The following GLIS1 variants were observed in gnomAD, a reference collection of about 807,000 sequenced individuals.
The protein encoded by GLIS1 is GLIS family zinc finger 1.
In GLIS1, 24 loss-of-function variants were observed where a neutral mutation model predicts 63.8. The ratio of observed to expected loss-of-function variants is 0.38; its 90% CI spans 0.27 to 0.53. GLIS1 has a LOEUF of 0.53. Among genes scored for constraint, GLIS1 ranks in the 20% least tolerant of loss-of-function variants. GLIS1 has a pLI of 0.85. For missense variants in GLIS1, 1,036 were observed against 1,074.1 expected, an observed-to-expected ratio of 0.96 and a Z score of 0.50; for synonymous variants, 450 against 482.5, an observed-to-expected ratio of 0.93 and a Z score of 0.88.
intron 2 of GLIS1, among the ~76,000 whole-genome samples, chr1:53,690,791 C>T (rs1216889615): frequency 1.3e-5 from 2 of 152,110 alleles, no homozygotes; most frequent in African/African-American, 2.4e-5. Flanking sequence ...GTGATGATGT[C>T]GATGTGAGAA....
At chr1:53,660,256 C>T (rs76908489) in intron 2 of GLIS1, among the ~76,000 whole-genome samples, 7,538 of 152,260 alleles carry the variant, frequency 0.05, 241 homozygotes, top group Non-Finnish European at 0.073. Context: ...CATTTCACCC[C>T]CACCTCCACC....
In GLIS1 at chr1:53,529,939, C is replaced by T; in HGVS notation, c.1334G>A (p.Ser445Asn). ...KPNKCMFEGC[S>N]KAFSRLENLK... ...GTTCTCCAGCCGTGAGAAGGCCTTG[C>T]TGCAGCCTTCAAACTGCAGGAGAGG... The change falls in exon 5 of 11, where the codon AGC becomes AAC. Residue 445 changes from serine to asparagine, a missense_variant. Coordinates refer to ENST00000628545, the MANE Select transcript of GLIS1 (RefSeq NM_001367484.1). 1 of 1,613,500 alleles carries T rather than the reference C, an allele frequency of 6.2e-7. No individual in the cohort carries two copies. The highest frequency in any genetic ancestry group is 8.5e-7 in the Non-Finnish European group (1 of 1,179,830).
At chr1:53,612,194 A>G (rs1301676436) in intron 2 of GLIS1, among the ~76,000 whole-genome samples, 1 of 152,220 alleles carries the variant, frequency 6.6e-6, no homozygotes, top group Non-Finnish European at 1.5e-5. Context: ...TGTGCCATGC[A>G]TAAATCAGCA....
chr1:53,507,173 T>A lies in GLIS1; in HGVS notation c.2231-397A>T, dbSNP rs1644243332. Among the ~76,000 whole-genome samples, 3 of 152,164 alleles carry A rather than the reference T, an allele frequency of 2.0e-5. No homozygotes were observed. In the South Asian group the frequency reaches 6.2e-4, roughly 31 times the overall value. On this transcript the variant is annotated intron_variant, in intron 10 of 10. Transcript: ENST00000628545. ...ACCAGCTCACCCCCACCCTTTCAGT[T>A]GTATCCCCCAACCAGACTCAAGAAA...
chr1:53,544,780 T>C (rs1186575173), intron 4 of GLIS1, among the ~76,000 whole-genome samples: 1 of 152,170 alleles, frequency 6.6e-6, no homozygotes, highest in Non-Finnish European at 1.5e-5. Context: ...GCTCCAACAC[T>C]GGTTTCTTTG....
intron 4 of GLIS1, among the ~76,000 whole-genome samples, chr1:53,538,896 C>G (rs1644609977): frequency 6.6e-6 from 1 of 152,100 alleles, no homozygotes; most frequent in African/African-American, 2.4e-5. Flanking sequence ...GGCCGGCCAG[C>G]AAGGATCAAG....
chr1:53,649,662 G>A (rs1186988220), intron 2 of GLIS1, among the ~76,000 whole-genome samples: 1 of 152,134 alleles, frequency 6.6e-6, no homozygotes, highest in Non-Finnish European at 1.5e-5. Flanking sequence ...CTCCGGTTGT[G>A]GTTGTCATTT....
rs530379277 is a variant in GLIS1 at position 53,539,780 on chromosome 1, C to T, written c.1321-9828G>A. ...ACTGGCCACCTGGAACATGGATGTGCGTGTGGGGTTCACTGAGGGGCTGGG... is the reference window on the plus strand; with the variant it reads ...ACTGGCCACCTGGAACATGGATGTGTGTGTGGGGTTCACTGAGGGGCTGGG... On this transcript the variant is annotated intron_variant, in intron 4 of 10. Transcript: ENST00000628545. The surrounding 1 kb of genome is among the most constrained non-coding windows in gnomAD (Gnocchi z 5.0). 5.3e-4 allele frequency among the ~76,000 whole-genome samples: 81 copies of T among 152,250 alleles called. 1 individual carries two copies. Among genetic ancestry groups the T allele is most frequent in the African/African-American group, 1.9e-3 (78 of 41,532 alleles).
chr1:53,665,095 G>A (rs1205244655), intron 2 of GLIS1, among the ~76,000 whole-genome samples: 1 of 152,184 alleles, frequency 6.6e-6, no homozygotes, highest in African/African-American at 2.4e-5. Context: ...TAGCAGGGAG[G>A]CCAGACAGGA....
At chr1:53,562,677 C>T (rs1644904031) in intron 4 of GLIS1, among the ~76,000 whole-genome samples, 3 of 152,140 alleles carry the variant, frequency 2.0e-5, no homozygotes, top group Admixed American at 1.3e-4. Context: ...TTTCATCTTC[C>T]TCCTCCAACC....
intron 9 of GLIS1, 85 bp from the exon 10 acceptor site, chr1:53,509,372 C>T: frequency 7.5e-7 from 1 of 1,331,756 alleles, no homozygotes; most frequent in Non-Finnish European, 1.0e-6. Flanking sequence ...CACGCTCCAC[C>T]TCCCGTGTTG....
At chr1:53,655,745 C>G (rs1645958783) in intron 2 of GLIS1, among the ~76,000 whole-genome samples, 1 of 152,208 alleles carries the variant, frequency 6.6e-6, no homozygotes, top group African/African-American at 2.4e-5. Flanking sequence ...ACATGGGGGT[C>G]TGGCACACAG....
At chr1:53,709,341 CAT>C (rs1557534110) in intron 2 of GLIS1, among the ~76,000 whole-genome samples, 2 of 132,262 alleles carry the variant, frequency 1.5e-5, no homozygotes, top group African/African-American at 6.3e-5. Context: ...CATATATATA[CAT>C]ATATACATAT....
At chr1:53,551,172 G>A (rs1339376367) in intron 4 of GLIS1, among the ~76,000 whole-genome samples, 1 of 152,180 alleles carries the variant, frequency 6.6e-6, no homozygotes, top group Non-Finnish European at 1.5e-5. Context: ...GATCCCCCGT[G>A]TTGAGCCCTC....
At chr1:53,630,338 C>G (rs1253535479) in intron 2 of GLIS1, among the ~76,000 whole-genome samples, 1 of 152,086 alleles carries the variant, frequency 6.6e-6, no homozygotes, top group Non-Finnish European at 1.5e-5. Flanking sequence ...CTGTCTGTCT[C>G]TCCAAATGCT....
chr1:53,577,138 CT>C (rs1168280431), intron 4 of GLIS1, among the ~76,000 whole-genome samples: 42 of 149,572 alleles, frequency 2.8e-4, no homozygotes, highest in African/African-American at 1.0e-3. Flanking sequence ...CCTCCCCCCC[CT>C]CCATGCTTCT....
At chr1:53,658,246 C>T (rs1246992629) in intron 2 of GLIS1, among the ~76,000 whole-genome samples, 2 of 152,162 alleles carry the variant, frequency 1.3e-5, no homozygotes, top group Non-Finnish European at 2.9e-5. Flanking sequence ...CCTATGGACC[C>T]TTTTAGCCTT....
intron 2 of GLIS1, among the ~76,000 whole-genome samples, chr1:53,630,549 G>A (rs1645641065): frequency 6.6e-6 from 1 of 151,388 alleles, no homozygotes; most frequent in Non-Finnish European, 1.5e-5. Context: ...AGGCTGGAGT[G>A]CAATGGCACA....
In GLIS1 at chr1:53,594,595, C is replaced by A. The variant is rs763882761; in HGVS notation, c.833G>T (p.Gly278Val). ...TCCCGTCAGAGGGGGGCTCCGGAGT[C>A]CATTTACACAGGTGACCAGAGACGT... Reference protein sequence around the residue: ...SQTSLVTCVNGLRSPPLTGDL... With the variant: ...SQTSLVTCVNVLRSPPLTGDL... Residue 278 changes from glycine (G) to valine (V), a missense_variant, in exon 4 of 11, where the codon GGA (glycine) becomes GTA (valine). By Grantham distance (109) the Gly-to-Val change is moderately radical. Transcript: ENST00000628545. 1 of 1,587,390 alleles carries A rather than the reference C, an allele frequency of 6.3e-7. No individual in the cohort carries two copies. The highest frequency in any genetic ancestry group is 8.6e-7 in the Non-Finnish European group (1 of 1,163,308).
Sources: allele counts gnomAD v4.1 joint callset (sites outside exome capture counted in the v4.1 genomes callset), GRCh38; gene constraint gnomAD v4.1.1; non-coding constraint Gnocchi (gnomAD v3.1); transcripts MANE v1.5; gene names NCBI Gene and HGNC (gene_info 2026-07-23, HGNC 2026-07-21).